Variants in ZNF398 observed in about 807,000 individuals in gnomAD.
ZNF398 encodes zinc finger DNA binding protein ZER6.
A neutral mutation model predicts 41.9 loss-of-function variants in ZNF398; 18 were observed. The observed-to-expected ratio is 0.43, with a 90% confidence interval of 0.30 to 0.64. ZNF398 has a LOEUF of 0.64. ZNF398 is among the 30% of genes least tolerant of loss of function. The probability of loss-of-function intolerance (pLI) is 0.14; values close to 1 mark genes in which losing one functional copy is unlikely to be tolerated. For synonymous variants in ZNF398, 260 were observed against 308.8 expected, an observed-to-expected ratio of 0.84 and a Z score of 1.66; for missense variants, 669 against 822.8, an observed-to-expected ratio of 0.81 and a Z score of 2.29.
At chr7:149,133,686 TATGTGTGTATATATATATAC>T (rs1256184612) in intron 2 of ZNF398, among the ~76,000 whole-genome samples, 74 of 40,056 alleles carry the variant, frequency 1.8e-3, no homozygotes, top group East Asian at 4.9e-3. Flanking sequence ...TATACATATA[TATGTGTGTATATATATATAC>T]ACACATATAT....
At chr7:149,151,450 A>C (rs1057502252) in intron 1 of ZNF398, among the ~76,000 whole-genome samples, 2 of 152,220 alleles carry the variant, frequency 1.3e-5, no homozygotes, top group African/African-American at 2.4e-5. Context: ...GGTTGTCGTC[A>C]GAGAGTGGCT....
chr7:149,132,184 TTC>T (rs201345812), intron 2 of ZNF398, among the ~76,000 whole-genome samples: 2 of 140,062 alleles, frequency 1.4e-5, no homozygotes, highest in African/African-American at 5.3e-5. Context: ...CTTCCTTATA[TTC>T]TCTCTCTCTT....
intron 5 of ZNF398, among the ~76,000 whole-genome samples, chr7:149,177,743 A>G (rs117878613): frequency 6.6e-6 from 1 of 152,366 alleles, no homozygotes; most frequent in East Asian, 1.9e-4. Context: ...ACAACAGGCA[A>G]TAGAGAAAGT....
intron 2 of ZNF398, among the ~76,000 whole-genome samples, chr7:149,141,447 CTTTTTTTTCT>C (rs1411608698): frequency 1.6e-4 from 19 of 116,870 alleles, no homozygotes; most frequent in African/African-American, 4.9e-4. Context: ...AGCTACTTTT[CTTTTTTTTCT>C]TTTTTTTTTT....
chr7:149,173,434 CAG>C (rs776927834), intron 4 of ZNF398, among the ~76,000 whole-genome samples: 1 of 152,050 alleles, frequency 6.6e-6, no homozygotes, highest in Non-Finnish European at 1.5e-5. Context: ...TTTTTTGAGA[CAG>C]AGTCTAGCTG....
chr7:149,170,948 A>G (rs1440220716), intron 4 of ZNF398, among the ~76,000 whole-genome samples: 1 of 149,096 alleles, frequency 6.7e-6, no homozygotes, highest in Non-Finnish European at 1.5e-5. Flanking sequence ...GGTTCAAGTG[A>G]TTCTCCTGCC....
intron 5 of ZNF398, among the ~76,000 whole-genome samples, chr7:149,176,965 GT>G (rs1795474359): frequency 1.3e-5 from 2 of 152,178 alleles, no homozygotes; most frequent in Admixed American, 1.3e-4. Flanking sequence ...AAATGGGAAT[GT>G]TAATTAAGAG....
At chr7:149,145,802 T>G (rs1826925593), upstream of ZNF398, among the ~76,000 whole-genome samples, 1 of 152,194 alleles carries the variant, frequency 6.6e-6, no homozygotes, top group Admixed American at 6.6e-5. Context: ...GCCCTATGAT[T>G]AGACCTCTTT....
In ZNF398 at chr7:149,141,018, C is replaced by T. The variant is rs137926988; in HGVS notation, c.-490+12074C>T. Among the ~76,000 whole-genome samples, 160 of 139,408 alleles carry T rather than the reference C, an allele frequency of 1.1e-3. 2 individuals are homozygous for T. Among genetic ancestry groups the T allele is most frequent in the Middle Eastern group, 3.8e-3 (1 of 264 alleles). The allele number at this position is 139,408 out of a possible 152,430, so 91.5% of individuals were successfully genotyped here. On this transcript the variant is annotated intron_variant, in intron 2 of 6. Coordinates refer to the ZNF398 transcript ENST00000426851. Reference sequence around the variant, plus strand: ...TTGTGCCACTGCACTCCAGCCTGCGCGACAGAGGCACAGCCTGTCTCAAAA... The same window carrying T: ...TTGTGCCACTGCACTCCAGCCTGCGTGACAGAGGCACAGCCTGTCTCAAAA...
intron 4 of ZNF398, among the ~76,000 whole-genome samples, chr7:149,169,101 G>T (rs1795280242): frequency 6.6e-6 from 1 of 152,150 alleles, no homozygotes. Context: ...GGGTGAAAAA[G>T]ATAACAAGTA....
At chr7:149,178,165 G>A (rs1296043928) in intron 5 of ZNF398, among the ~76,000 whole-genome samples, 3 of 151,936 alleles carry the variant, frequency 2.0e-5, no homozygotes, top group Non-Finnish European at 4.4e-5. Context: ...AGTGGCGGGT[G>A]CCTGTAGTCC....
chr7:149,155,700 TATATA>T (rs1403343250), intron 2 of ZNF398, among the ~76,000 whole-genome samples: 445 of 55,938 alleles, frequency 8.0e-3, no homozygotes, highest in Middle Eastern at 0.028. Flanking sequence ...TATATATATA[TATATA>T]TATTTTTTTT....
Position 149,182,886 on chromosome 7 carries a change from C to T in ZNF398, c.*3085C>T, listed in dbSNP as rs921385712. ...TTTCATTAATAATGTGTGCAAGTTTCCTATTAGCGGGGAAGGTGTGGGGCT... is the reference window on the plus strand; with the variant it reads ...TTTCATTAATAATGTGTGCAAGTTTTCTATTAGCGGGGAAGGTGTGGGGCT... On this transcript the variant is annotated 3_prime_UTR_variant, in exon 6 of 6. Transcript: ENST00000475153. 1.3e-5 allele frequency: 2 copies of T among 152,148 alleles called. No individual in the cohort carries two copies. The highest frequency in any genetic ancestry group is 2.4e-5 in the African/African-American group (1 of 41,432). The allele number at this position is 152,148 out of a possible 1,614,324, so 9.4% of individuals were successfully genotyped here.
At chr7:149,138,201 C>CAAAAAAAAAAAG in intron 2 of ZNF398, among the ~76,000 whole-genome samples, 1 of 72,852 alleles carries the variant, frequency 1.4e-5, no homozygotes, top group Non-Finnish European at 2.8e-5. Context: ...AACTCTGTCT[C>CAAAAAAAAAAAG]AAAAAAAAAA....
chr7:149,140,347 A>G (rs902087735), intron 2 of ZNF398, among the ~76,000 whole-genome samples: 3 of 152,168 alleles, frequency 2.0e-5, no homozygotes, highest in East Asian at 3.9e-4. Flanking sequence ...TCTAGTTACT[A>G]TGGAATTATT....
chr7:149,140,641 C>T (rs1202588329), intron 2 of ZNF398, among the ~76,000 whole-genome samples: 3 of 152,134 alleles, frequency 2.0e-5, no homozygotes, highest in Non-Finnish European at 4.4e-5. Context: ...GACTCGGCCT[C>T]CCAAAGTGTT....
chr7:149,165,384 C>T (rs957768605), intron 2 of ZNF398, among the ~76,000 whole-genome samples: 8 of 152,118 alleles, frequency 5.3e-5, no homozygotes, highest in African/African-American at 1.9e-4. Context: ...TACAGTCAAG[C>T]TAAAGAGAAA....
At chr7:149,175,500 A>T (rs1795442697) in intron 4 of ZNF398, among the ~76,000 whole-genome samples, 2 of 152,136 alleles carry the variant, frequency 1.3e-5, no homozygotes. Flanking sequence ...GGACTTGCCA[A>T]TACTATATTC....
At chr7:149,155,230 G>A (rs982384037) in intron 2 of ZNF398, among the ~76,000 whole-genome samples, 4 of 152,120 alleles carry the variant, frequency 2.6e-5, no homozygotes, top group Non-Finnish European at 5.9e-5. Flanking sequence ...GACTGGCCTG[G>A]CCAACAAGGC....
Sources: gnomAD v4.1 joint callset for allele counts (sites outside exome capture counted in the v4.1 genomes callset) on GRCh38, gnomAD v4.1.1 for gene constraint, MANE v1.5 for transcripts, NCBI Gene and HGNC (gene_info 2026-07-23, HGNC 2026-07-21) for gene names.